Variants in SLC13A1 observed in about 807,000 individuals in gnomAD.
The protein encoded by SLC13A1 is Na(+)/sulfate cotransporter.
A neutral mutation model predicts 70.0 loss-of-function variants in SLC13A1; 65 were observed. The observed-to-expected ratio is 0.93, with a 90% confidence interval of 0.76 to 1.14. The LOEUF is 1.14. SLC13A1 is among the 50% of genes most tolerant of loss of function. The probability of loss-of-function intolerance (pLI) is 0.00; values close to 1 mark genes in which losing one functional copy is unlikely to be tolerated. For synonymous variants in SLC13A1, 275 were observed against 250.5 expected, an observed-to-expected ratio of 1.10 and a Z score of -0.92; for missense variants, 726 against 717.8, an observed-to-expected ratio of 1.01 and a Z score of -0.13.
intron 1 of SLC13A1, among the ~76,000 whole-genome samples, chr7:123,187,724 A>G (rs1408279713): frequency 2.0e-5 from 3 of 152,212 alleles, no homozygotes; most frequent in Non-Finnish European, 2.9e-5. Context: ...ATGTACTTCA[A>G]ATACATTCAT....
rs138752795 is a variant in SLC13A1 at position 123,188,145 on chromosome 7, A to G, written c.100-7044T>C. 2.9e-3 allele frequency among the ~76,000 whole-genome samples: 447 copies of G among 152,306 alleles called. 3 individuals are homozygous for G. Among genetic ancestry groups the G allele is most frequent in the African/African-American group, 0.01 (426 of 41,552 alleles). The stretch of plus-strand genomic sequence containing the variant: ...CAGTTTCCCCCATGCTGTCCTCATA[A>G]TAGTGAGTGAGTTCTCATGAGATCT... On this transcript the variant is annotated intron_variant, in intron 1 of 14. Transcript: ENST00000194130.
Position 123,119,923 on chromosome 7 carries a change from C to G in SLC13A1, c.1351-681G>C, listed in dbSNP as rs558584939. On this transcript the variant is annotated intron_variant, in intron 12 of 14. Coordinates refer to ENST00000194130, the MANE Select transcript of SLC13A1 (RefSeq NM_022444.4). ...TTAGCATACTATCAGTGCGTTTACT[C>G]TCCCTTCCCCACAAGGAATAACTAT... 3.3e-5 allele frequency among the ~76,000 whole-genome samples: 5 copies of G among 152,082 alleles called. No individual in the cohort carries two copies. In the East Asian group the frequency reaches 9.7e-4, roughly 29 times the overall value.
At position 123,171,807 on chromosome 7, in the gene SLC13A1, G is replaced by A. The variant is rs751142113; in HGVS notation, c.326C>T (p.Ala109Val). 3.7e-6 allele frequency: 6 copies of A among 1,613,844 alleles called. No homozygotes were observed. The Admixed American group carries it at 6.7e-5, about 18-fold the overall frequency. Reference protein sequence around the residue: ...IEKWNLHKRIALKMVMMVGVN... With the variant: ...IEKWNLHKRIVLKMVMMVGVN... ...ACCAACCATCATCACCATTTTCAGA[G>A]CAATTCTCTTGTGCAAATTCCATTT... The change falls in exon 3 of 15, where the codon GCT becomes GTT. Residue 109 changes from alanine to valine, a missense_variant. Ala to Val is a moderately conservative substitution (Grantham distance 64). Transcript: ENST00000194130.
rs779597689 is a variant in SLC13A1, at chr7:123,150,819, TCTC to T, written c.661-3512_661-3510del. Among the ~76,000 whole-genome samples, 3 of 152,236 alleles carry T rather than the reference TCTC, an allele frequency of 2.0e-5. No individual in the cohort carries two copies. The South Asian group carries it at 6.2e-4, about 32-fold the overall frequency. On this transcript the variant is annotated intron_variant, in intron 6 of 14. Transcript: ENST00000194130. Reference sequence around the variant, plus strand: ...TTTTCTATCTCTGCCTGTTTTTCTGTCTCCCTTGCCAGTTATTTTGCCTTCCAT... The same window carrying T: ...TTTTCTATCTCTGCCTGTTTTTCTGTCCTTGCCAGTTATTTTGCCTTCCAT...
chr7:123,163,052 G>A (rs370758189), intron 6 of SLC13A1, among the ~76,000 whole-genome samples: 1 of 152,014 alleles, frequency 6.6e-6, no homozygotes, highest in African/African-American at 2.4e-5. Context: ...CTGTCTCTTT[G>A]AGTGACATTA....
chr7:123,155,851 G>A (rs2116469013), intron 6 of SLC13A1, among the ~76,000 whole-genome samples: 1 of 152,166 alleles, frequency 6.6e-6, no homozygotes, highest in South Asian at 2.1e-4. Flanking sequence ...TAGAAGGCCG[G>A]GTTCTCCATT....
At chr7:123,151,807 A>G (rs1794565985) in intron 6 of SLC13A1, among the ~76,000 whole-genome samples, 1 of 152,058 alleles carries the variant, frequency 6.6e-6, no homozygotes, top group Non-Finnish European at 1.5e-5. Flanking sequence ...CAAAAACATT[A>G]TCTTCCTCAT....
rs1161393272 is a variant in SLC13A1 at position 123,180,959 on chromosome 7, G to T, written c.228+14C>A. 1 of 1,601,746 alleles carries T rather than the reference G, an allele frequency of 6.2e-7. No individual in the cohort carries two copies. On this transcript the variant is annotated intron_variant, in intron 2 of 14. Transcript: ENST00000194130. ...AACAGGAAATCAACTTATGACATTGGCAAGAGGACTTACCTTCTTAGAAGG... is the reference window on the plus strand; with the variant it reads ...AACAGGAAATCAACTTATGACATTGTCAAGAGGACTTACCTTCTTAGAAGG...
chr7:123,127,712 C>T (rs1793606629), intron 10 of SLC13A1, among the ~76,000 whole-genome samples: 1 of 151,982 alleles, frequency 6.6e-6, no homozygotes, highest in South Asian at 2.1e-4. Flanking sequence ...GACTTCGCAC[C>T]CTTCAGAAAC....
chr7:123,182,424 T>C (rs1488888700), intron 1 of SLC13A1, among the ~76,000 whole-genome samples: 1 of 152,116 alleles, frequency 6.6e-6, no homozygotes, highest in African/African-American at 2.4e-5. Context: ...GCCACTATCT[T>C]GATCCTATTT....
At chr7:123,189,254 G>A (rs1276789455) in intron 1 of SLC13A1, among the ~76,000 whole-genome samples, 1 of 149,722 alleles carries the variant, frequency 6.7e-6, no homozygotes, top group Admixed American at 6.7e-5. Flanking sequence ...AAAATGAATA[G>A]CCAAAGTGCC....
chr7:123,116,024 G>A (rs1793169214), intron 14 of SLC13A1, among the ~76,000 whole-genome samples: 2 of 152,178 alleles, frequency 1.3e-5, no homozygotes, highest in African/African-American at 4.8e-5. Context: ...AAATCCCTTA[G>A]AAATCTGCCA....
chr7:123,153,559 G>A (rs534422003), intron 6 of SLC13A1, among the ~76,000 whole-genome samples: 1 of 152,064 alleles, frequency 6.6e-6, no homozygotes, highest in Admixed American at 6.6e-5. Context: ...ATGAGGACTA[G>A]AGGGACAGTA....
At chr7:123,133,950 A>C (rs997816247) in intron 8 of SLC13A1, among the ~76,000 whole-genome samples, 1 of 151,418 alleles carries the variant, frequency 6.6e-6, no homozygotes, top group Admixed American at 6.6e-5. Context: ...CAATCCTTCC[A>C]CCTCAGCCTC....
intron 8 of SLC13A1, among the ~76,000 whole-genome samples, chr7:123,132,552 A>G (rs1047936594): frequency 6.6e-6 from 1 of 152,012 alleles, no homozygotes; most frequent in African/African-American, 2.4e-5. Context: ...TTGTATTTTT[A>G]GTAGAGAAGG....
chr7:123,193,857 G>A (rs1796079443), intron 1 of SLC13A1, among the ~76,000 whole-genome samples: 1 of 152,104 alleles, frequency 6.6e-6, no homozygotes, highest in Non-Finnish European at 1.5e-5. Context: ...TTGTGAAAGG[G>A]ACAGCCTCTG....
intron 6 of SLC13A1, chr7:123,149,738 T>C (rs1244628066): frequency 2.4e-6 from 1 of 409,186 alleles, no homozygotes; most frequent in East Asian, 7.1e-5. Context: ...GTTATCACAG[T>C]TTCTTCTTCC....
intron 7 of SLC13A1, among the ~76,000 whole-genome samples, chr7:123,146,468 T>A (rs1794353959): frequency 6.6e-6 from 1 of 152,188 alleles, no homozygotes; most frequent in Non-Finnish European, 1.5e-5. Context: ...TGAGCTGAGA[T>A]CGCACCACTG....
chr7:123,199,788 T>C, intron 1 of SLC13A1, 60 bp downstream of exon 1: 2 of 1,294,254 alleles, frequency 1.5e-6, no homozygotes, highest in Non-Finnish European at 2.2e-6. Context: ...CAAACAGTTT[T>C]AATAAAGGAC....
Sources: gnomAD v4.1 joint callset for allele counts (sites outside exome capture counted in the v4.1 genomes callset) on GRCh38, gnomAD v4.1.1 for gene constraint, MANE v1.5 for transcripts, NCBI Gene and HGNC (gene_info 2026-07-23, HGNC 2026-07-21) for gene names.